Variants in FHDC1 observed in about 807,000 individuals in gnomAD.
FHDC1 encodes the protein FH2 domain containing 1.
A neutral mutation model predicts 52.6 loss-of-function variants in FHDC1; 25 were observed. The observed-to-expected ratio is 0.48, with a 90% CI of 0.35 to 0.66. The LOEUF (loss-of-function observed/expected upper bound fraction) is 0.66. Ranked by LOEUF, FHDC1 falls within the 30% of genes least tolerant of loss-of-function variation. The pLI, the probability that FHDC1 is intolerant of heterozygous loss-of-function variation, is 0.01. For missense variants in FHDC1, 1,459 were observed against 1,452.8 expected, an observed-to-expected ratio of 1.00 and a Z score of -0.07; for synonymous variants, 616 against 581.5, an observed-to-expected ratio of 1.06 and a Z score of -0.85.
chr4:152,930,079 G>T, the FHDC1 span, among the ~76,000 whole-genome samples: 1 of 152,168 alleles, frequency 6.6e-6, no homozygotes, highest in African/African-American at 2.4e-5. Context: ...ACAGATGCCT[G>T]CAGTGACACT....
At position 152,954,231 on chromosome 4, in the gene FHDC1, T is replaced by C. The variant is rs1355109303; in HGVS notation, c.575T>C (p.Ile192Thr). Residue 192 changes from isoleucine to threonine, a missense_variant, in exon 4 of 12, where the codon ATT becomes ACT. Ile to Thr is a moderately conservative substitution (Grantham distance 89). Transcript: ENST00000511601. Reference sequence around the variant, plus strand: ...GTCTTTTCAAGGTCTCCTCGGTCCATTGTAGAAGATATTCATCAAGGAAAA... The same window carrying C: ...GTCTTTTCAAGGTCTCCTCGGTCCACTGTAGAAGATATTCATCAAGGAAAA... ...LKQFKKSPRS[I>T]VEDIHQGKSE... 1 of 1,613,808 alleles carries C rather than the reference T, an allele frequency of 6.2e-7. No homozygotes were observed. The highest frequency in any genetic ancestry group is 8.5e-7 in the Non-Finnish European group (1 of 1,179,728).
intron 4 of FHDC1, among the ~76,000 whole-genome samples, chr4:152,956,040 C>G (rs1467212216): frequency 6.6e-6 from 1 of 152,152 alleles, no homozygotes; most frequent in Non-Finnish European, 1.5e-5. Context: ...GTAGTAGAGT[C>G]TTGAAGTCTT....
At chr4:152,967,061 A>C (rs1307958286) in intron 9 of FHDC1, among the ~76,000 whole-genome samples, 1 of 152,164 alleles carries the variant, frequency 6.6e-6, no homozygotes, top group Non-Finnish European at 1.5e-5. Flanking sequence ...TCAGTGCTGC[A>C]GTGAGCCATG....
At chr4:152,961,524 G>A (rs1740281963) in intron 6 of FHDC1, among the ~76,000 whole-genome samples, 1 of 152,196 alleles carries the variant, frequency 6.6e-6, no homozygotes, top group African/African-American at 2.4e-5. Context: ...TTTGGTTTCT[G>A]GCATCTTGGC....
chr4:152,975,907 CG>C lies in FHDC1; in HGVS notation c.2620del (p.Ala874ProfsTer21). 8.6e-6 allele frequency: 13 copies of C among 1,514,384 alleles called. No homozygotes were observed. Among genetic ancestry groups the C allele is most frequent in the Non-Finnish European group, 1.1e-5 (13 of 1,133,768 alleles). The allele number at this position is 1,514,384 out of a possible 1,614,324, so 93.8% of individuals were successfully genotyped here. A position where few individuals can be genotyped will look rare whatever the true frequency, so the allele number is the denominator to read the frequency against. On this transcript the variant is annotated frameshift_variant, in exon 12 of 12. Coordinates refer to ENST00000511601, the MANE Select transcript of FHDC1 (RefSeq NM_001371116.1). LOFTEE classifies it low-confidence loss of function (END_TRUNC). ...KRGSLKEASP[G>X]ASKPGSARRS... ...GAGGCTCCCTGAAAGAGGCGTCTCC[CG>C]GGGCCTCCAAGCCCGGGAGCGCCCG...
At chr4:152,925,901 A>AAGG in the FHDC1 span, among the ~76,000 whole-genome samples, 1 of 151,608 alleles carries the variant, frequency 6.6e-6, no homozygotes, top group Non-Finnish European at 1.5e-5. Flanking sequence ...GAGGAGGGAG[A>AAGG]AGGAGAAGGA....
chr4:152,976,880 T>C lies in FHDC1; in HGVS notation c.*157T>C, dbSNP rs1740911442. ...TTGGGATGGCACAGTCCAGGAGGCC[T>C]GTGGACTGCAGCCTGCTGTGCTGAG... On this transcript the variant is annotated 3_prime_UTR_variant, in exon 12 of 12. Coordinates refer to ENST00000511601, the MANE Select transcript of FHDC1 (RefSeq NM_001371116.1). 1 of 940,954 alleles carries C rather than the reference T, an allele frequency of 1.1e-6. No individual in the cohort carries two copies. Among genetic ancestry groups the C allele is most frequent in the Non-Finnish European group, 1.5e-6 (1 of 667,876 alleles). 58.3% of individuals were successfully genotyped at this position (940,954 alleles called of 1,614,324 possible). A position where few individuals can be genotyped will look rare whatever the true frequency, so the allele number is the denominator to read the frequency against.
chr4:152,935,004 A>G (rs753087740), upstream of FHDC1, among the ~76,000 whole-genome samples: 7 of 152,212 alleles, frequency 4.6e-5, no homozygotes, highest in Non-Finnish European at 1.0e-4. Flanking sequence ...TTTGGGATTC[A>G]TATTAGCTCC....
At chr4:152,945,762 A>G (rs1377136453) in intron 2 of FHDC1, among the ~76,000 whole-genome samples, 1 of 152,044 alleles carries the variant, frequency 6.6e-6, no homozygotes, top group African/African-American at 2.4e-5. Flanking sequence ...TGGCCTAACC[A>G]TTTTTAAACA....
intron 4 of FHDC1, among the ~76,000 whole-genome samples, chr4:152,956,115 T>A (rs1740076595): frequency 6.6e-6 from 1 of 152,246 alleles, no homozygotes; most frequent in Non-Finnish European, 1.5e-5. Context: ...CCTTAATCTT[T>A]TCTGTAAAGG....
the FHDC1 span, among the ~76,000 whole-genome samples, chr4:152,916,139 A>G: frequency 1.1e-5 from 1 of 90,334 alleles, no homozygotes; most frequent in African/African-American, 3.8e-5. Context: ...TCCATCACAA[A>G]AGAAAAAAAA....
chr4:152,973,434 C>T (rs1240845058), intron 11 of FHDC1, among the ~76,000 whole-genome samples: 1 of 152,240 alleles, frequency 6.6e-6, no homozygotes, highest in East Asian at 1.9e-4. Flanking sequence ...GTTTGCACTC[C>T]TCTGGCCAAG....
chr4:152,938,326 G>A (rs529180317), intron 1 of FHDC1, among the ~76,000 whole-genome samples: 16 of 151,984 alleles, frequency 1.1e-4, no homozygotes, highest in South Asian at 2.1e-4. Flanking sequence ...GCAGATTGAA[G>A]GCGCTTACTG....
At position 152,976,490 on chromosome 4, in the gene FHDC1, C is replaced by T. The variant is rs141965331; in HGVS notation, c.3199C>T (p.Arg1067Trp). The T allele has an allele frequency of 1.1e-3, 1,842 of 1,613,482 alleles. 2 individuals are homozygous for T. The highest frequency in any genetic ancestry group is 1.5e-3 in the Non-Finnish European group (1,763 of 1,180,028). Residue 1067 changes from arginine to tryptophan, a missense_variant, in exon 12 of 12, where the codon CGG becomes TGG. Coordinates refer to ENST00000511601, the MANE Select transcript of FHDC1 (RefSeq NM_001371116.1). ...APGITRTVSQ[R>W]QLRVKGDPED... is the part of the protein sequence containing the mutation. ...CGGCATCACTCGGACAGTGTCGCAG[C>T]GGCAGCTGAGGGTGAAAGGGGACCC...
At chr4:152,974,641 C>T in intron 11 of FHDC1, 34 bp from the exon 12 acceptor site, 1 of 1,503,858 alleles carries the variant, frequency 6.6e-7, no homozygotes. Flanking sequence ...TCCCACATGT[C>T]TCATGCATCT....
At chr4:152,940,801 A>T (rs950596921) in intron 1 of FHDC1, among the ~76,000 whole-genome samples, 4 of 152,234 alleles carry the variant, frequency 2.6e-5, no homozygotes, top group African/African-American at 9.6e-5. Context: ...TGTAAGGATA[A>T]ACTGCCAAAA....
Position 152,972,545 on chromosome 4 carries a change from C to T in FHDC1, c.1383+4C>T, listed in dbSNP as rs769333130. 1.9e-5 allele frequency: 30 copies of T among 1,599,548 alleles called. No homozygotes were observed. Among genetic ancestry groups the T allele is most frequent in the Non-Finnish European group, 2.0e-5 (23 of 1,175,766 alleles). On this transcript the variant is annotated splice_donor_region_variant and intron_variant, in intron 11 of 11. Coordinates refer to ENST00000511601, the MANE Select transcript of FHDC1 (RefSeq NM_001371116.1). ...CAAATTCAACAAAGCAGTTAAGGTA[C>T]ATCTGGCAGCATCTGTGTCTTGGGG...
the FHDC1 span, chr4:152,912,276 T>C: frequency 6.6e-6 from 1 of 152,188 alleles, no homozygotes; most frequent in Non-Finnish European, 1.5e-5. Context: ...ATGTTCATTA[T>C]AGAAAAGAAT....
At position 152,975,796 on chromosome 4, in the gene FHDC1, C is replaced by A; in HGVS notation, c.2505C>A (p.Pro835=). ...GCCCCCCTGGGGAGGCTCCTGCCCC[C>A]GTCTCTGTGGATAGTGAGCCCAGCT... ...TSSPPGEAPA[P]VSVDSEPSCK... Residue 835 remains proline (P), a synonymous_variant, in exon 12 of 12, where the codon CCC becomes CCA. Coordinates refer to ENST00000511601, the MANE Select transcript of FHDC1 (RefSeq NM_001371116.1). The A allele has an allele frequency of 1.3e-6, 2 of 1,536,892 alleles. No homozygotes were observed. Among genetic ancestry groups the A allele is most frequent in the Non-Finnish European group, 1.8e-6 (2 of 1,142,458 alleles).
Sources: gnomAD v4.1 joint callset for allele counts (sites outside exome capture counted in the v4.1 genomes callset) on GRCh38, gnomAD v4.1.1 for gene constraint, MANE v1.5 for transcripts, NCBI Gene and HGNC (gene_info 2026-07-23, HGNC 2026-07-21) for gene names.